Variants in NINL observed in about 807,000 individuals in gnomAD.
The protein encoded by NINL is ninein like, also known as ninein-like protein.
NINL carries 153 observed loss-of-function variants against 160.3 expected under a neutral mutation model. That is an observed-to-expected ratio of 0.95 (90% CI 0.84 to 1.09). The LOEUF is 1.09. Among genes scored for constraint, NINL ranks in the 50% least tolerant of loss-of-function variants. The probability of loss-of-function intolerance (pLI) is 0.00; values close to 1 mark genes in which losing one functional copy is unlikely to be tolerated. For missense variants in NINL, 1,829 were observed against 1,764.0 expected, an observed-to-expected ratio of 1.04 and a Z score of -0.66; for synonymous variants, 800 against 734.8, an observed-to-expected ratio of 1.09 and a Z score of -1.43.
chr20:25,463,613 C>T (rs771203249), intron 19 of NINL, among the ~76,000 whole-genome samples: 3 of 152,194 alleles, frequency 2.0e-5, no homozygotes, highest in Non-Finnish European at 4.4e-5. Context: ...CTTCATGCAA[C>T]CATATTTCTG....
chr20:25,495,283 G>C (rs889758228), intron 10 of NINL, among the ~76,000 whole-genome samples: 5 of 152,244 alleles, frequency 3.3e-5, no homozygotes, highest in African/African-American at 1.2e-4. Context: ...GTGGCCAGCA[G>C]CCAGGCTCCC....
At position 25,467,404 on chromosome 20, in the gene NINL, C is replaced by T; in HGVS notation, c.3408G>A (p.Glu1136=). The T allele has an allele frequency of 6.2e-7, 1 of 1,613,880 alleles. No individual in the cohort carries two copies. Among genetic ancestry groups the T allele is most frequent in the East Asian group, 2.2e-5 (1 of 44,886 alleles). ...GATACGTCACCTGTCTGTTGAGCAC[C>T]TCCATCTCAGAGCAGGCCTTTTCCT... is the stretch of plus-strand genomic sequence containing the variant. ...KDKEKACSEM[E]VLNRQNQNYK... Residue 1136 remains glutamate, a synonymous_variant, in exon 19 of 24, where the codon GAG becomes GAA. Transcript: ENST00000278886.
chr20:25,483,907 G>A (rs1029493864), intron 13 of NINL, among the ~76,000 whole-genome samples: 1 of 152,208 alleles, frequency 6.6e-6, no homozygotes, highest in African/African-American at 2.4e-5. Flanking sequence ...CCTGCAGCCT[G>A]AGTGGGACTT....
intron 13 of NINL, among the ~76,000 whole-genome samples, chr20:25,483,567 G>T (rs2063443620): frequency 6.6e-6 from 1 of 152,282 alleles, no homozygotes; most frequent in Non-Finnish European, 1.5e-5. Context: ...CAGAGAACAT[G>T]TCAGAAAGAA....
In NINL at chr20:25,462,513, T is replaced by A. The variant is rs1333693801; in HGVS notation, c.3452A>T (p.Gln1151Leu). Residue 1151 changes from glutamine to leucine, a missense_variant, in exon 20 of 24, where the codon CAG (glutamine) becomes CTG (leucine). Gln to Leu is a moderately radical substitution (Grantham distance 113). Transcript: ENST00000278886. ...QNQNYKDQLS[Q>L]LNVRVLQLGQ... ...CAGTTGAAGAACCCTGACATTGAGCTGGGATAATTGATCCTTGTAGTTCTG... is the reference window on the plus strand; with the variant it reads ...CAGTTGAAGAACCCTGACATTGAGCAGGGATAATTGATCCTTGTAGTTCTG... 1.2e-6 allele frequency: 2 copies of A among 1,614,156 alleles called. No individual in the cohort carries two copies. The highest frequency in any genetic ancestry group is 1.7e-4 in the Middle Eastern group (1 of 6,056).
chr20:25,570,960 T>C (rs908300336), intron 1 of NINL, among the ~76,000 whole-genome samples: 1 of 151,642 alleles, frequency 6.6e-6, no homozygotes, highest in Non-Finnish European at 1.5e-5. Flanking sequence ...ATCTCAGCCT[T>C]CCAAAGTGCT....
At chr20:25,579,413 A>C (rs1240116855) in intron 1 of NINL, among the ~76,000 whole-genome samples, 1 of 152,174 alleles carries the variant, frequency 6.6e-6, no homozygotes, top group Non-Finnish European at 1.5e-5. Flanking sequence ...TTTAAAAACA[A>C]AACACCAGGA....
chr20:25,468,216 CCT>C (rs2062965792), intron 18 of NINL, among the ~76,000 whole-genome samples: 1 of 152,172 alleles, frequency 6.6e-6, no homozygotes, highest in East Asian at 1.9e-4. Flanking sequence ...TGCTCTGTCC[CCT>C]GACTCTCGCT....
intron 10 of NINL, among the ~76,000 whole-genome samples, chr20:25,496,369 G>A (rs1419611870): frequency 2.0e-5 from 3 of 152,302 alleles, no homozygotes; most frequent in South Asian, 2.1e-4. Flanking sequence ...GCTAGGGGCC[G>A]AAAGGCTTGG....
chr20:25,553,149 G>C (rs2064825934), intron 1 of NINL, among the ~76,000 whole-genome samples: 1 of 130,986 alleles, frequency 7.6e-6, no homozygotes, highest in Non-Finnish European at 1.6e-5. Flanking sequence ...ATGTGGCCCA[G>C]GCTGTTATTC....
chr20:25,540,184 A>T, intron 1 of NINL: 1 of 323,990 alleles, frequency 3.1e-6, no homozygotes, highest in South Asian at 1.9e-5. Flanking sequence ...TATTCCAGAT[A>T]AAAAGCAACA....
At chr20:25,540,008 TAC>T (rs1248037691) in intron 1 of NINL, 2 of 1,287,692 alleles carry the variant, frequency 1.6e-6, no homozygotes, top group Admixed American at 2.3e-5. Flanking sequence ...ACTGTAATAA[TAC>T]ACACTGTTTA....
At chr20:25,454,509 G>A (rs1007617230) in intron 23 of NINL, among the ~76,000 whole-genome samples, 3 of 152,178 alleles carry the variant, frequency 2.0e-5, no homozygotes, top group Admixed American at 6.5e-5. Context: ...GAGGAAGCTG[G>A]GCAAGGACGG....
Position 25,476,677 on chromosome 20 carries a change from C to A in NINL, c.2614G>T (p.Ala872Ser). 6.3e-7 allele frequency: 1 copy of A among 1,590,228 alleles called. No individual in the cohort carries two copies. Among genetic ancestry groups the A allele is most frequent in the Non-Finnish European group, 8.5e-7 (1 of 1,173,760 alleles). The change falls in exon 17 of 24, where the codon GCG (alanine) becomes TCG (serine). Residue 872 changes from alanine (A) to serine (S), a missense_variant. Transcript: ENST00000278886. ...APGDGRESEE[A>S]AGAGPRRRQA... ...CTGCGGCGAGGCCCGGCTCCTGCCG[C>A]CTCCTCAGACTCTCTGCCATCACCT...
chr20:25,489,307 T>C lies in NINL; in HGVS notation c.1614A>G (p.Ala538=). The C allele has an allele frequency of 6.2e-7, 1 of 1,613,944 alleles. No homozygotes were observed. The highest frequency in any genetic ancestry group is 1.1e-5 in the South Asian group (1 of 91,084). The change falls in exon 13 of 24, where the codon GCA becomes GCG. Residue 538 remains alanine (A), a synonymous_variant. Coordinates refer to ENST00000278886, the MANE Select transcript of NINL (RefSeq NM_025176.6). ...VLKDKLEPQS[A]ELLAQEERFA... ...ACCGCTCCTCCTGGGCCAGGAGCTCTGCACTCTGTGGCTCCAGCTGAAAGG... is the reference window on the plus strand; with the variant it reads ...ACCGCTCCTCCTGGGCCAGGAGCTCCGCACTCTGTGGCTCCAGCTGAAAGG...
chr20:25,517,421 T>C (rs1189959838), intron 3 of NINL, among the ~76,000 whole-genome samples: 2 of 152,156 alleles, frequency 1.3e-5, no homozygotes, highest in East Asian at 3.9e-4. Context: ...CAAGGCCAGG[T>C]GGCTTTCTCC....
rs117392657 is a variant in NINL at position 25,537,605 on chromosome 20, G to A, written c.-11-11007C>T. On this transcript the variant is annotated intron_variant, in intron 1 of 23. Transcript: ENST00000278886. ...AAACACTGAATTTCACGGATGCAGC[G>A]CCCCACATGCACAGCAGTGTGGCTT... Among the ~76,000 whole-genome samples, 1,239 of 152,268 alleles carry A rather than the reference G, an allele frequency of 8.1e-3. 9 individuals carry two copies. The highest frequency in any genetic ancestry group is 0.034 in the Middle Eastern group (10 of 294).
At chr20:25,535,030 C>A (rs2064531945) in intron 1 of NINL, among the ~76,000 whole-genome samples, 2 of 152,186 alleles carry the variant, frequency 1.3e-5, no homozygotes, top group Admixed American at 1.3e-4. Flanking sequence ...ATGTAGAACC[C>A]ACTGACACAA....
At chr20:25,579,711 G>C (rs772340719) in intron 1 of NINL, among the ~76,000 whole-genome samples, 6 of 152,178 alleles carry the variant, frequency 3.9e-5, no homozygotes, top group Non-Finnish European at 7.3e-5. Context: ...CAGAAGCCAA[G>C]CTCCCTCTCT....
Sources: allele counts gnomAD v4.1 joint callset (sites outside exome capture counted in the v4.1 genomes callset), GRCh38; gene constraint gnomAD v4.1.1; transcripts MANE v1.5; gene names NCBI Gene and HGNC (gene_info 2026-07-23, HGNC 2026-07-21).